Variants in EGLN1 observed in about 807,000 individuals in gnomAD.
EGLN1 encodes egl nine homolog 1.
Under a neutral mutation model 38.3 loss-of-function variants are expected in EGLN1, and 17 were observed. That is an observed-to-expected ratio of 0.44 (90% CI 0.30 to 0.67). The LOEUF (loss-of-function observed/expected upper bound fraction) is 0.67. Among genes scored for constraint, EGLN1 ranks in the 30% least tolerant of loss-of-function variants. The probability of loss-of-function intolerance (pLI) is 0.08; values close to 1 mark genes in which losing one functional copy is unlikely to be tolerated. For missense variants in EGLN1, 477 were observed against 603.3 expected, an observed-to-expected ratio of 0.79 and a Z score of 2.19; for synonymous variants, 283 against 257.5, an observed-to-expected ratio of 1.10 and a Z score of -0.95.
chr1:231,371,965 C>T (rs1687834889), intron 2 of EGLN1, among the ~76,000 whole-genome samples: 1 of 152,166 alleles, frequency 6.6e-6, no homozygotes, highest in African/African-American at 2.4e-5. Context: ...CCTCAGGTTC[C>T]AGTGTTGTTC....
At position 231,391,083 on chromosome 1, in the gene EGLN1, GTT is replaced by G. The variant is rs111257907; in HGVS notation, c.892-16986_892-16985del. Among the ~76,000 whole-genome samples, 409 of 49,782 alleles carry G rather than the reference GTT, an allele frequency of 8.2e-3. 61 individuals carry two copies. The highest frequency in any genetic ancestry group is 0.037 in the East Asian group (60 of 1,630). The allele number at this position is 49,782 out of a possible 152,430, so 32.7% of individuals were successfully genotyped here. On this transcript the variant is annotated intron_variant, in intron 1 of 4. Transcript: ENST00000366641. ...GTGTGTGAGACAGGGAACTCATTCT[GTT>G]TTTTTTTTGTGTGTGTGTGTGTGTG...
chr1:231,395,114 A>C (rs1161252118), intron 1 of EGLN1, among the ~76,000 whole-genome samples: 1 of 152,190 alleles, frequency 6.6e-6, no homozygotes, highest in Non-Finnish European at 1.5e-5. Flanking sequence ...TCACCTCCTC[A>C]GAGATCTTTT....
chr1:231,382,778 C>T (rs559244651), intron 1 of EGLN1, among the ~76,000 whole-genome samples: 117 of 152,130 alleles, frequency 7.7e-4, no homozygotes, highest in African/African-American at 2.7e-3. Context: ...GCTTGGCAGG[C>T]CGGGCATGGT....
chr1:231,419,882 CTAGT>C (rs374384747), intron 1 of EGLN1, among the ~76,000 whole-genome samples: 43 of 152,318 alleles, frequency 2.8e-4, no homozygotes, highest in African/African-American at 4.6e-4. Flanking sequence ...AGAAAAACCA[CTAGT>C]TAGAGTCAGC....
chr1:231,404,654 T>G (rs192869735), intron 1 of EGLN1, among the ~76,000 whole-genome samples: 137 of 152,214 alleles, frequency 9.0e-4, no homozygotes, highest in African/African-American at 3.2e-3. Context: ...CATTTGTGTG[T>G]GAGATTTGAT....
chr1:231,402,274 T>G (rs900926395), intron 1 of EGLN1, among the ~76,000 whole-genome samples: 2 of 152,128 alleles, frequency 1.3e-5, no homozygotes, highest in Non-Finnish European at 2.9e-5. Flanking sequence ...CTTAATGGTA[T>G]CTTTGGATAA....
chr1:231,400,422 A>C (rs2102925059), intron 1 of EGLN1, among the ~76,000 whole-genome samples: 1 of 152,250 alleles, frequency 6.6e-6, no homozygotes, highest in African/African-American at 2.4e-5. Flanking sequence ...TTGATCCAAA[A>C]CTTATATACT....
At chr1:231,419,298 T>C (rs1656482502) in intron 1 of EGLN1, among the ~76,000 whole-genome samples, 1 of 152,218 alleles carries the variant, frequency 6.6e-6, no homozygotes, top group Admixed American at 6.5e-5. Flanking sequence ...AGAGCCAGGC[T>C]GTCTGCTGTC....
intron 1 of EGLN1, among the ~76,000 whole-genome samples, chr1:231,414,179 G>A (rs1689018877): frequency 6.6e-6 from 1 of 152,122 alleles, no homozygotes; most frequent in African/African-American, 2.4e-5. Flanking sequence ...TCCAAGTGTG[G>A]AAACGAGGGC....
intron 1 of EGLN1, chr1:231,420,136 G>A (rs754886724): frequency 2.2e-4 from 33 of 152,176 alleles, no homozygotes; most frequent in Admixed American, 1.6e-3. Context: ...ATCTGTGGAG[G>A]AAAAACCGCA....
chr1:231,394,382 CT>C (rs35843267), intron 1 of EGLN1, among the ~76,000 whole-genome samples: 57 of 136,640 alleles, frequency 4.2e-4, no homozygotes, highest in Non-Finnish European at 4.8e-4. Flanking sequence ...CCCAATTTTC[CT>C]TTTTTTTTTT....
intron 1 of EGLN1, among the ~76,000 whole-genome samples, chr1:231,381,715 T>A (rs1688083990): frequency 6.6e-6 from 1 of 152,258 alleles, no homozygotes; most frequent in South Asian, 2.1e-4. Flanking sequence ...GAAATTCATC[T>A]GGTGAAACAC....
chr1:231,370,801 T>G (rs1687802078), intron 2 of EGLN1, 103 bp from the exon 3 acceptor site: 3 of 1,323,428 alleles, frequency 2.3e-6, no homozygotes, highest in Non-Finnish European at 3.2e-6. Context: ...ATTGGATTAT[T>G]CACAAATACG....
chr1:231,371,536 T>A (rs898101952), intron 2 of EGLN1, among the ~76,000 whole-genome samples: 4 of 152,212 alleles, frequency 2.6e-5, no homozygotes, highest in African/African-American at 9.6e-5. Flanking sequence ...ATATAGTTCA[T>A]TAGAACCTGT....
chr1:231,375,710 G>A (rs898031176), intron 1 of EGLN1, among the ~76,000 whole-genome samples: 4 of 152,058 alleles, frequency 2.6e-5, no homozygotes, highest in African/African-American at 9.7e-5. Context: ...GGGCTTAGTG[G>A]GTTTAAGTGC....
rs35250338 is a variant in EGLN1, at chr1:231,416,426, CA to C, written c.891+4571del. ...AGATAAGTAAAGAGTTACATACATACAAAAAAAAAATTTTTTTTTTTTTTTT... is the reference window on the plus strand; with the variant it reads ...AGATAAGTAAAGAGTTACATACATACAAAAAAAAATTTTTTTTTTTTTTTT... On this transcript the variant is annotated intron_variant, in intron 1 of 4. Coordinates refer to ENST00000366641, the MANE Select transcript of EGLN1 (RefSeq NM_022051.3). 1.6e-3 allele frequency among the ~76,000 whole-genome samples: 232 copies of C among 147,724 alleles called. 1 individual carries two copies. Among genetic ancestry groups the C allele is most frequent in the Non-Finnish European group, 1.9e-3 (124 of 66,982 alleles).
chr1:231,378,247 T>C (rs2474623), intron 1 of EGLN1, among the ~76,000 whole-genome samples: 82,850 of 151,812 alleles, frequency 0.55, 24,207 homozygotes, highest in Non-Finnish European at 0.65. Context: ...ACACGAAAAA[T>C]ACCAACATAA....
At chr1:231,368,650 T>C (rs941767202) in intron 3 of EGLN1, among the ~76,000 whole-genome samples, 1 of 152,188 alleles carries the variant, frequency 6.6e-6, no homozygotes, top group Non-Finnish European at 1.5e-5. Context: ...AATATAGCAA[T>C]TAGTTCAAAT....
chr1:231,380,913 C>A (rs1441938994), intron 1 of EGLN1, among the ~76,000 whole-genome samples: 3 of 152,014 alleles, frequency 2.0e-5, no homozygotes, highest in African/African-American at 7.3e-5. Context: ...AATCTTTTCC[C>A]TACTGAGTTA....
Sources: allele counts gnomAD v4.1 joint callset (sites outside exome capture counted in the v4.1 genomes callset), GRCh38; gene constraint gnomAD v4.1.1; transcripts MANE v1.5; gene names NCBI Gene and HGNC (gene_info 2026-07-23, HGNC 2026-07-21).